The following ZNF334 variants were observed in gnomAD, a reference collection of about 807,000 sequenced individuals.
ZNF334 encodes zinc finger protein 334.
ZNF334 carries 14 observed loss-of-function variants against 12.4 expected under a neutral mutation model. That is an observed-to-expected ratio of 1.13 (90% CI 0.74 to 1.76). The LOEUF (loss-of-function observed/expected upper bound fraction) is 1.76. ZNF334 is among the 40% of genes most tolerant of loss of function. ZNF334 has a pLI of 0.00. For missense variants in ZNF334, 797 were observed against 804.5 expected (o/e 0.99, Z 0.11); for synonymous variants, 273 against 269.6 (o/e 1.01, Z -0.12).
chr20:46,463,146 C>T, the ZNF334 span, among the ~76,000 whole-genome samples: 1 of 152,128 alleles, frequency 6.6e-6, no homozygotes, highest in East Asian at 1.9e-4. Flanking sequence ...ACTTGGGAGG[C>T]TGAGGCAGGA....
intron 2 of ZNF334, chr20:46,506,656 G>GA (rs2061442266): frequency 3.4e-5 from 9 of 262,286 alleles, no homozygotes; most frequent in East Asian, 2.0e-4. Flanking sequence ...CACTACATGT[G>GA]AAAAAAAATT....
At chr20:46,482,646 T>C in the ZNF334 span, among the ~76,000 whole-genome samples, 2 of 152,202 alleles carry the variant, frequency 1.3e-5, no homozygotes, top group Non-Finnish European at 2.9e-5. Flanking sequence ...AGATCTTTTT[T>C]TATATCAATA....
Position 46,501,410 on chromosome 20 carries a change from G to A in ZNF334, c.1929C>T (p.Leu643=), listed in dbSNP as rs781257655. 1 of 1,614,138 alleles carries A rather than the reference G, an allele frequency of 6.2e-7. No homozygotes were observed. Among genetic ancestry groups the A allele is most frequent in the Non-Finnish European group, 8.5e-7 (1 of 1,180,014 alleles). ...CGKTYRRLWT[L]TEHQKIHTGE... ...CTGTGTGTATTTTCTGATGTTCAGT[G>A]AGAGTCCACAGGCGACGGTAGGTTT... Residue 643 remains leucine, a synonymous_variant, in exon 5 of 5, where the codon CTC becomes CTT. Transcript: ENST00000692313.
the ZNF334 span, among the ~76,000 whole-genome samples, chr20:46,489,365 A>G: frequency 6.5e-3 from 995 of 152,242 alleles, 4 homozygotes; most frequent in Middle Eastern, 0.024. Context: ...CCAACCATTA[A>G]GTTCATTTAA....
At chr20:46,497,147 G>A (rs943537639), downstream of ZNF334, among the ~76,000 whole-genome samples, 2 of 152,212 alleles carry the variant, frequency 1.3e-5, no homozygotes. Flanking sequence ...AGCTGCGGAA[G>A]AGGGCCACAA....
At chr20:46,482,610 C>T in the ZNF334 span, among the ~76,000 whole-genome samples, 1 of 152,080 alleles carries the variant, frequency 6.6e-6, no homozygotes, top group Non-Finnish European at 1.5e-5. Context: ...CCCTACTCAA[C>T]CACTGTCTTT....
chr20:46,498,595 C>T (rs890912441), downstream of ZNF334, among the ~76,000 whole-genome samples: 4 of 152,160 alleles, frequency 2.6e-5, no homozygotes, highest in Non-Finnish European at 5.9e-5. Flanking sequence ...ACCACAAAAA[C>T]AATGAGATAG....
intron 4 of ZNF334, among the ~76,000 whole-genome samples, chr20:46,503,503 T>C (rs957750551): frequency 1.4e-4 from 22 of 152,206 alleles, no homozygotes; most frequent in East Asian, 1.9e-4. Flanking sequence ...TAGAGAAAGA[T>C]AGTCATACAG....
At chr20:46,488,924 C>T in the ZNF334 span, among the ~76,000 whole-genome samples, 2 of 150,870 alleles carry the variant, frequency 1.3e-5, no homozygotes, top group African/African-American at 2.4e-5. Flanking sequence ...ACGTCTTTTT[C>T]CCCCCTCTGG....
the ZNF334 span, among the ~76,000 whole-genome samples, chr20:46,469,802 AC>A: frequency 2.0e-5 from 3 of 152,156 alleles, no homozygotes; most frequent in East Asian, 1.9e-4. Context: ...TTGGCTGGGC[AC>A]CATGACCTTG....
the ZNF334 span, chr20:46,490,745 CTT>C: frequency 1.3e-5 from 2 of 152,204 alleles, no homozygotes; most frequent in African/African-American, 4.8e-5. Context: ...TCACTGCACT[CTT>C]CTTTCCCTCG....
the ZNF334 span, chr20:46,463,635 G>A: frequency 6.8e-5 from 14 of 205,194 alleles, no homozygotes; most frequent in East Asian, 2.1e-4. Flanking sequence ...ACACCTACAC[G>A]AACTGTCTGA....
chr20:46,463,427 G>A, the ZNF334 span, among the ~76,000 whole-genome samples: 51 of 152,180 alleles, frequency 3.4e-4, no homozygotes, highest in Non-Finnish European at 1.3e-4. Flanking sequence ...ACACAGATGT[G>A]CAGATTTCAG....
chr20:46,491,171 A>G, the ZNF334 span: 1 of 152,814 alleles, frequency 6.5e-6, no homozygotes, highest in Admixed American at 6.5e-5. Context: ...ACATCAGAGC[A>G]TGCACAGTGG....
chr20:46,474,193 C>T, the ZNF334 span, among the ~76,000 whole-genome samples: 1 of 151,794 alleles, frequency 6.6e-6, no homozygotes, highest in African/African-American at 2.4e-5. Context: ...GCTGACATGG[C>T]GAAACCCCGT....
At position 46,502,949 on chromosome 20, in the gene ZNF334, T is replaced by C. The variant is rs1321418793; in HGVS notation, c.390A>G (p.Arg130=). ...CTGGATTACATTTATAGGGCATTTTTCTTGAGGGAACACTATTCATGCCCA... is the reference window on the plus strand; with the variant it reads ...CTGGATTACATTTATAGGGCATTTTCCTTGAGGGAACACTATTCATGCCCA... ...LNLGMNSVPS[R]KMPYKCNPGG... Residue 130 remains arginine, a synonymous_variant, in exon 5 of 5, where the codon AGA becomes AGG. Transcript: ENST00000692313. 2.5e-6 allele frequency: 4 copies of C among 1,614,062 alleles called. No homozygotes were observed. Among genetic ancestry groups the C allele is most frequent in the Non-Finnish European group, 3.4e-6 (4 of 1,179,982 alleles).
chr20:46,488,444 A>ATATATATATATATATATATATAT, the ZNF334 span, among the ~76,000 whole-genome samples: 12 of 84,184 alleles, frequency 1.4e-4, 1 homozygote, highest in African/African-American at 6.8e-4. Context: ...TATATATATA[A>ATATATATATATATATATATATAT]ATACCATAAT....
At chr20:46,464,308 G>T in the ZNF334 span, 1 of 551,404 alleles carries the variant, frequency 1.8e-6, no homozygotes, top group Non-Finnish European at 3.6e-6. Context: ...GAATGACAAA[G>T]TTAGATGTGA....
At chr20:46,496,587 G>C (rs2061029762), downstream of ZNF334, 1 of 152,226 alleles carries the variant, frequency 6.6e-6, no homozygotes, top group African/African-American at 2.4e-5. Flanking sequence ...TCCCTTCCCT[G>C]TATGTTTCCA....
Sources: allele counts gnomAD v4.1 joint callset (sites outside exome capture counted in the v4.1 genomes callset), GRCh38; gene constraint gnomAD v4.1.1; transcripts MANE v1.5; gene names NCBI Gene and HGNC (gene_info 2026-07-23, HGNC 2026-07-21).